Variants in IQSEC1 observed in about 807,000 individuals in gnomAD.
IQSEC1 encodes IQ motif and SEC7 domain-containing protein 1.
In IQSEC1, 31 loss-of-function variants were observed where a neutral mutation model predicts 91.0. That is an observed-to-expected ratio of 0.34 (90% CI 0.26 to 0.46). The LOEUF is 0.46. IQSEC1 is among the 20% of genes least tolerant of loss of function. IQSEC1 has a pLI of 1.00. For missense variants in IQSEC1, 1,388 were observed against 1,575.6 expected, an observed-to-expected ratio of 0.88 and a Z score of 2.02; for synonymous variants, 699 against 662.6, an observed-to-expected ratio of 1.05 and a Z score of -0.84.
upstream of IQSEC1, among the ~76,000 whole-genome samples, chr3:13,077,351 TG>T (rs1278323531): frequency 6.6e-6 from 1 of 152,212 alleles, no homozygotes; most frequent in African/African-American, 2.4e-5. Context: ...TCGCCAGCCC[TG>T]CCCTCCTCCC....
In IQSEC1 at chr3:13,230,573, T is replaced by C. The variant is rs1306638181; in HGVS notation, c.272+52138A>G. Among the ~76,000 whole-genome samples the C allele has an allele frequency of 2.0e-5, 3 of 152,228 alleles. No individual in the cohort carries two copies. In the East Asian group the frequency reaches 5.8e-4, roughly 29 times the overall value. ...CTTTAACTGGACCCCTTCTACCTCTTGGTAGCCATTGCTTTGATTGTGTTT... is the reference window on the plus strand; with the variant it reads ...CTTTAACTGGACCCCTTCTACCTCTCGGTAGCCATTGCTTTGATTGTGTTT... On this transcript the variant is annotated intron_variant, in intron 1 of 15. Coordinates refer to the IQSEC1 transcript ENST00000648114.
At chr3:13,267,956 C>G (rs983551835) in intron 1 of IQSEC1, among the ~76,000 whole-genome samples, 27 of 152,208 alleles carry the variant, frequency 1.8e-4, no homozygotes, top group African/African-American at 5.1e-4. Context: ...CTGTGCCCCC[C>G]CTTAACCAGC....
At chr3:13,203,419 T>G (rs1694282895) in intron 1 of IQSEC1, among the ~76,000 whole-genome samples, 1 of 152,144 alleles carries the variant, frequency 6.6e-6, no homozygotes, top group Admixed American at 6.5e-5. Context: ...CAGAACCCCA[T>G]AGCCCATCTC....
intron 1 of IQSEC1, among the ~76,000 whole-genome samples, chr3:12,966,720 G>A (rs1700595267): frequency 6.6e-6 from 1 of 152,114 alleles, no homozygotes; most frequent in Non-Finnish European, 1.5e-5. Flanking sequence ...GCCACAAACA[G>A]CAGCCACACA....
intron 1 of IQSEC1, among the ~76,000 whole-genome samples, chr3:13,013,969 G>A (rs921814308): frequency 1.3e-5 from 2 of 152,216 alleles, no homozygotes; most frequent in Admixed American, 6.5e-5. Flanking sequence ...GCTCTGATCT[G>A]CTCTGTGCCT....
chr3:13,115,523 T>C (rs1291467601), intron 2 of IQSEC1, among the ~76,000 whole-genome samples: 1 of 152,190 alleles, frequency 6.6e-6, no homozygotes, highest in Non-Finnish European at 1.5e-5. Context: ...TTTACCATGG[T>C]GGCCATGGAT....
At chr3:13,175,722 C>G (rs959378092) in intron 1 of IQSEC1, among the ~76,000 whole-genome samples, 1 of 152,258 alleles carries the variant, frequency 6.6e-6, no homozygotes, top group Non-Finnish European at 1.5e-5. Context: ...AAGATGAAGG[C>G]TCCCCTAGAT....
In IQSEC1 at chr3:13,008,578, G is replaced by T. The variant is rs144265337; in HGVS notation, c.23+64414C>A. 1.1e-3 allele frequency among the ~76,000 whole-genome samples: 162 copies of T among 152,124 alleles called. 2 individuals are homozygous for T. In the East Asian group the frequency reaches 0.026, roughly 25 times the overall value. On this transcript the variant is annotated intron_variant, in intron 1 of 13. Coordinates refer to ENST00000613206, the MANE Select transcript of IQSEC1 (RefSeq NM_001134382.3). This position sits in a 1 kb window ranked among gnomAD's most constrained non-coding sequence, Gnocchi z 4.1. ...AAGTCGCTCCCCACTGCAGCCTCCT[G>T]CTTCATTTTCCTGACTGTGATGTTG... is the stretch of plus-strand genomic sequence containing the variant.
At chr3:13,132,460 G>A (rs1706636850) in intron 2 of IQSEC1, among the ~76,000 whole-genome samples, 1 of 152,196 alleles carries the variant, frequency 6.6e-6, no homozygotes, top group African/African-American at 2.4e-5. Flanking sequence ...AATACTCAGA[G>A]GCAGTGTGCA....
intron 2 of IQSEC1, among the ~76,000 whole-genome samples, chr3:13,089,987 G>A (rs546553040): frequency 6.6e-6 from 1 of 152,324 alleles, no homozygotes; most frequent in South Asian, 2.1e-4. Flanking sequence ...AGGCCAAGGC[G>A]GGTGGATCAC....
At chr3:13,033,392 G>A (rs886895262) in intron 1 of IQSEC1, among the ~76,000 whole-genome samples, 1 of 152,154 alleles carries the variant, frequency 6.6e-6, no homozygotes, top group Non-Finnish European at 1.5e-5. Context: ...AAGTCAGAGC[G>A]AGGCGCATTT....
chr3:13,040,214 T>C (rs1421551205), intron 1 of IQSEC1, among the ~76,000 whole-genome samples: 1 of 152,232 alleles, frequency 6.6e-6, no homozygotes, highest in Non-Finnish European at 1.5e-5. Flanking sequence ...CCCTTCCCTG[T>C]CTGGAAAATT....
In IQSEC1 at chr3:12,901,482, G is replaced by A; in HGVS notation, c.2846C>T (p.Thr949Ile). ...ISSPHMRRRA[T>I]STRECPSRPH... ...GCGAGATGGACACTCTCGTGTTGAT[G>A]TAGCTCTCCGGCGCATGTGAGGACT... Residue 949 changes from threonine to isoleucine, a missense_variant, in exon 14 of 14, where the codon ACA becomes ATA. Around this residue, in one of 2 missense-constraint regions of IQSEC1, gnomAD observed 329 missense variants for 257.8 expected, o/e 1.28. Coordinates refer to ENST00000613206, the MANE Select transcript of IQSEC1 (RefSeq NM_001134382.3). The A allele has an allele frequency of 6.5e-7, 1 of 1,549,896 alleles. No homozygotes were observed. The highest frequency in any genetic ancestry group is 8.7e-7 in the Non-Finnish European group (1 of 1,146,880).
At chr3:13,165,535 GGCGTGTGTGTGTGT>G (rs1168722726) in intron 1 of IQSEC1, among the ~76,000 whole-genome samples, 3,352 of 89,014 alleles carry the variant, frequency 0.038, 117 homozygotes, top group Middle Eastern at 0.067. Context: ...GTGGGGGGGT[GGCGTGTGTGTGTGT>G]GTGTGTGTGT....
At chr3:13,281,748 C>T (rs1384644837) in intron 1 of IQSEC1, among the ~76,000 whole-genome samples, 1 of 152,230 alleles carries the variant, frequency 6.6e-6, no homozygotes, top group African/African-American at 2.4e-5. Flanking sequence ...GGAAGACTGT[C>T]CTGAAGCCCT....
chr3:13,045,143 T>TCTGCAC (rs1272439531), intron 1 of IQSEC1, among the ~76,000 whole-genome samples: 2 of 152,228 alleles, frequency 1.3e-5, no homozygotes, highest in African/African-American at 4.8e-5. Context: ...CCCCAGGGCC[T>TCTGCAC]CTGCACCGCT....
intron 1 of IQSEC1, among the ~76,000 whole-genome samples, chr3:13,027,635 A>T (rs1703672420): frequency 6.6e-6 from 1 of 152,144 alleles, no homozygotes; most frequent in East Asian, 1.9e-4. Flanking sequence ...GAGGAGTGGA[A>T]GATGATGCCT....
chr3:13,089,793 G>A (rs1027098471), intron 2 of IQSEC1, among the ~76,000 whole-genome samples: 10 of 152,240 alleles, frequency 6.6e-5, no homozygotes, highest in East Asian at 5.8e-4. Context: ...TAGGGAGTAT[G>A]TGGACGGCTG....
At chr3:12,950,608 A>G (rs1466753913) in intron 1 of IQSEC1, among the ~76,000 whole-genome samples, 1 of 151,674 alleles carries the variant, frequency 6.6e-6, no homozygotes, top group East Asian at 1.9e-4. Flanking sequence ...GGAGTTGAAG[A>G]CCAGCCTGGA....
Sources: allele counts gnomAD v4.1 joint callset (sites outside exome capture counted in the v4.1 genomes callset), GRCh38; gene constraint gnomAD v4.1.1; regional missense constraint gnomAD v4.1.1; non-coding constraint Gnocchi (gnomAD v3.1); transcripts MANE v1.5; gene names NCBI Gene and HGNC (gene_info 2026-07-23, HGNC 2026-07-21).